INPP4B: variants seen among roughly 807,000 people sequenced by gnomAD.
INPP4B encodes inositol polyphosphate-4-phosphatase type II B, also known as inositol polyphosphate 4-phosphatase type II.
In INPP4B, 55 loss-of-function variants were observed where a neutral mutation model predicts 122.5. The observed-to-expected ratio is 0.45, with a 90% CI of 0.36 to 0.56. INPP4B has a LOEUF of 0.56. Among genes scored for constraint, INPP4B ranks in the 20% least tolerant of loss-of-function variants. The pLI is 0.00. For synonymous variants in INPP4B, 403 were observed against 388.7 expected (o/e 1.04, Z -0.43); for missense variants, 1,000 against 1,097.7 (o/e 0.91, Z 1.26).
chr4:142,071,877 A>C (rs1402322878), intron 25 of INPP4B, among the ~76,000 whole-genome samples: 1 of 152,240 alleles, frequency 6.6e-6, no homozygotes, highest in Non-Finnish European at 1.5e-5. Context: ...GAACACCTTT[A>C]CACTATTGGT....
intron 15 of INPP4B, among the ~76,000 whole-genome samples, chr4:142,186,005 C>A (rs75762375): frequency 0.1 from 15,516 of 151,428 alleles, 879 homozygotes; most frequent in Middle Eastern, 0.15. Context: ...ACCTTGCAAG[C>A]GCAGGTGGTT....
chr4:142,773,824 C>T (rs1048240225), intron 1 of INPP4B, among the ~76,000 whole-genome samples: 3 of 151,972 alleles, frequency 2.0e-5, no homozygotes, highest in African/African-American at 4.8e-5. Flanking sequence ...TTGTTGTTTC[C>T]CCAGAAGAGA....
At chr4:142,504,408 A>G in intron 2 of INPP4B, among the ~76,000 whole-genome samples, 1 of 152,190 alleles carries the variant, frequency 6.6e-6, no homozygotes, top group African/African-American at 2.4e-5. Context: ...CAGGAGTGTG[A>G]AGTGTGAAGA....
At chr4:142,549,543 G>A (rs1431520005) in intron 2 of INPP4B, among the ~76,000 whole-genome samples, 1 of 152,180 alleles carries the variant, frequency 6.6e-6, no homozygotes, top group Non-Finnish European at 1.5e-5. Flanking sequence ...GCCATGGGAA[G>A]TGATCTGGGT....
At chr4:142,791,399 G>A (rs28529221) in intron 1 of INPP4B, among the ~76,000 whole-genome samples, 1,601 of 152,240 alleles carry the variant, frequency 0.011, 34 homozygotes, top group African/African-American at 0.037. Flanking sequence ...ATTAAGATGA[G>A]ATTCTGCCTA....
chr4:142,665,438 G>T (rs1268091663), intron 2 of INPP4B, among the ~76,000 whole-genome samples: 1 of 144,364 alleles, frequency 6.9e-6, no homozygotes, highest in African/African-American at 2.6e-5. Flanking sequence ...AGCTTGCAGT[G>T]AGCCGAGATC....
intron 12 of INPP4B, among the ~76,000 whole-genome samples, chr4:142,236,075 T>C (rs1182311280): frequency 6.6e-6 from 1 of 152,230 alleles, no homozygotes; most frequent in Non-Finnish European, 1.5e-5. Context: ...TGGCAACTCC[T>C]CTTCTGTGTT....
At chr4:142,368,290 TTTAA>T (rs1788346899) in intron 7 of INPP4B, among the ~76,000 whole-genome samples, 1 of 152,090 alleles carries the variant, frequency 6.6e-6, no homozygotes, top group Admixed American at 6.6e-5. Context: ...AAACATTGAG[TTTAA>T]TTCTGTATTT....
chr4:142,720,551 TATA>T (rs1764393124), intron 2 of INPP4B, among the ~76,000 whole-genome samples: 1 of 151,724 alleles, frequency 6.6e-6, no homozygotes, highest in South Asian at 2.1e-4. Flanking sequence ...ATCTCTAGAT[TATA>T]ATACCTACTA....
At chr4:142,808,379 G>C (rs1226985076) in intron 1 of INPP4B, among the ~76,000 whole-genome samples, 3 of 152,232 alleles carry the variant, frequency 2.0e-5, no homozygotes, top group South Asian at 4.1e-4. Flanking sequence ...AAATGACAGA[G>C]AGAAAGTCTC....
In INPP4B at chr4:142,305,775, CAA is replaced by C; in HGVS notation, c.424-240_424-239del. The stretch of plus-strand genomic sequence containing the variant: ...AAGAGACCAACAGGCTAGAAAATAA[CAA>C]GAGGTAAAATACAGCACCCAGAGTT... On this transcript the variant is annotated intron_variant, in intron 8 of 25. Coordinates refer to ENST00000262992, the MANE Select transcript of INPP4B (RefSeq NM_001101669.3). 3 of 1,325,362 alleles carry C rather than the reference CAA, an allele frequency of 2.3e-6. No individual in the cohort carries two copies. The South Asian group carries it at 4.5e-5, about 20-fold the overall frequency. The allele number at this position is 1,325,362 out of a possible 1,614,324, so 82.1% of individuals were successfully genotyped here. A position where few individuals can be genotyped will look rare whatever the true frequency, so the allele number is the denominator to read the frequency against.
intron 2 of INPP4B, among the ~76,000 whole-genome samples, chr4:142,506,688 AG>A (rs747213824): frequency 2.6e-5 from 4 of 152,226 alleles, no homozygotes; most frequent in Non-Finnish European, 2.9e-5. Flanking sequence ...ACTGTGGGTC[AG>A]GGGAATTCTT....
chr4:142,089,322 A>C (rs2152559721), intron 23 of INPP4B, among the ~76,000 whole-genome samples: 1 of 152,264 alleles, frequency 6.6e-6, no homozygotes, highest in Middle Eastern at 3.4e-3. Context: ...GTTTCCTTTA[A>C]CATGAGATGA....
chr4:142,238,269 TA>T (rs913999678), intron 11 of INPP4B, among the ~76,000 whole-genome samples: 1 of 151,794 alleles, frequency 6.6e-6, no homozygotes, highest in African/African-American at 2.4e-5. Context: ...TTTGTTAAAT[TA>T]AAAAAAATTA....
At chr4:142,239,101 A>C (rs78180278) in intron 11 of INPP4B, among the ~76,000 whole-genome samples, 5,247 of 152,260 alleles carry the variant, frequency 0.034, 288 homozygotes, top group African/African-American at 0.12. Context: ...TGTAAGAACA[A>C]CATATTTCAT....
intron 2 of INPP4B, among the ~76,000 whole-genome samples, chr4:142,495,113 T>G (rs1370179747): frequency 6.6e-6 from 1 of 152,144 alleles, no homozygotes; most frequent in African/African-American, 2.4e-5. Flanking sequence ...ATGTAGTACT[T>G]TCATTAAACT....
intron 25 of INPP4B, among the ~76,000 whole-genome samples, chr4:142,068,171 A>G (rs13435149): frequency 0.025 from 3,884 of 152,328 alleles, 183 homozygotes; most frequent in African/African-American, 0.089. Flanking sequence ...AGTGGGGGCC[A>G]ATATTCAACA....
chr4:142,447,011 GA>G (rs1029756271), intron 3 of INPP4B, among the ~76,000 whole-genome samples: 5 of 152,082 alleles, frequency 3.3e-5, no homozygotes, highest in East Asian at 1.9e-4. Flanking sequence ...CGGGTAATAG[GA>G]AAAAAAGTTT....
intron 11 of INPP4B, among the ~76,000 whole-genome samples, chr4:142,256,394 CA>C (rs1736089688): frequency 6.6e-6 from 1 of 151,712 alleles, no homozygotes; most frequent in South Asian, 2.1e-4. Context: ...AAAAACCCTT[CA>C]AAAAATTAAT....
Sources: gnomAD v4.1 joint callset for allele counts (sites outside exome capture counted in the v4.1 genomes callset) on GRCh38, gnomAD v4.1.1 for gene constraint, MANE v1.5 for transcripts, NCBI Gene and HGNC (gene_info 2026-07-23, HGNC 2026-07-21) for gene names.